Variants in TDRP observed in about 807,000 individuals in gnomAD.
The protein encoded by TDRP is testis development-related protein.
TDRP carries 12 observed loss-of-function variants against 10.5 expected under a neutral mutation model. The ratio of observed to expected loss-of-function variants is 1.15; its 90% confidence interval spans 0.73 to 1.86. TDRP has a LOEUF of 1.86. TDRP is among the 40% of genes most tolerant of loss of function. The pLI, the probability that TDRP is intolerant of heterozygous loss-of-function variation, is 0.00. For synonymous variants in TDRP, 139 were observed against 95.4 expected, an observed-to-expected ratio of 1.46 and a Z score of -2.67; for missense variants, 353 against 229.2, an observed-to-expected ratio of 1.54 and a Z score of -3.49.
At chr8:531,682 G>A (rs1189943985) in intron 1 of TDRP, among the ~76,000 whole-genome samples, 1 of 152,178 alleles carries the variant, frequency 6.6e-6, no homozygotes, top group Non-Finnish European at 1.5e-5. Context: ...TCAAACAAAT[G>A]TCTGAGTTAT....
intron 1 of TDRP, among the ~76,000 whole-genome samples, chr8:506,562 C>A (rs966558046): frequency 6.6e-6 from 1 of 152,234 alleles, no homozygotes; most frequent in Non-Finnish European, 1.5e-5. Flanking sequence ...GCACTGCAAA[C>A]AGTGGAGCCC....
At chr8:500,779 C>T (rs953966501) in intron 1 of TDRP, among the ~76,000 whole-genome samples, 1 of 152,308 alleles carries the variant, frequency 6.6e-6, no homozygotes, top group Non-Finnish European at 1.5e-5. Context: ...ACTCTGGGTC[C>T]TGACAACCAG....
At chr8:506,483 C>CT (rs1801468284) in intron 1 of TDRP, among the ~76,000 whole-genome samples, 1 of 152,150 alleles carries the variant, frequency 6.6e-6, no homozygotes, top group African/African-American at 2.4e-5. Flanking sequence ...CAGCTGAATG[C>CT]TACACAGAGG....
At position 492,615 on chromosome 8, in the gene TDRP, A is replaced by C. The variant is rs1185489801; in HGVS notation, c.342T>G (p.Leu114=). 1 of 1,613,878 alleles carries C rather than the reference A, an allele frequency of 6.2e-7. No individual in the cohort carries two copies. The highest frequency in any genetic ancestry group is 1.3e-5 in the African/African-American group (1 of 74,916). Residue 114 remains leucine, a synonymous_variant, in exon 3 of 3, where the codon CTT becomes CTG. Coordinates refer to ENST00000324079, the MANE Select transcript of TDRP (RefSeq NM_001384899.1). ...GGTCAGCCGATATGTCTTCAAGAGC[A>C]AGTTTTGGAGGCTCCCAACCTTCAA... ...DEIEGWEPPK[L]ALEDISADPE...
chr8:493,484 C>G (rs1026638549), intron 2 of TDRP, among the ~76,000 whole-genome samples: 1 of 152,236 alleles, frequency 6.6e-6, no homozygotes, highest in African/African-American at 2.4e-5. Context: ...CACAGAAGTG[C>G]AGAGAAGCAG....
Position 516,730 on chromosome 8 carries a change from C to T in TDRP, c.109-22133G>A, listed in dbSNP as rs142817364. On this transcript the variant is annotated intron_variant, in intron 1 of 2. Transcript: ENST00000324079. ...AACTAAACACTCTCACCATGCAAGC[C>T]GGCAATCACGGTTCTATTTATCCAA... 2.4e-4 allele frequency among the ~76,000 whole-genome samples: 37 copies of T among 152,232 alleles called. No individual in the cohort carries two copies. In the East Asian group the frequency reaches 5.0e-3, roughly 21 times the overall value.
chr8:504,208 T>C (rs1801390073), intron 1 of TDRP, among the ~76,000 whole-genome samples: 1 of 152,032 alleles, frequency 6.6e-6, no homozygotes, highest in Non-Finnish European at 1.5e-5. Context: ...CCTCCAGGAG[T>C]TGTTTTTCCT....
Position 504,789 on chromosome 8 carries a change from C to G in TDRP, c.109-10192G>C, listed in dbSNP as rs73672339. The stretch of plus-strand genomic sequence containing the variant: ...ACACACCAGAAACTGGCATTCAAAA[C>G]AGTCATCGAGACAAATGAACTTGTG... On this transcript the variant is annotated intron_variant, in intron 1 of 2. Transcript: ENST00000324079. Among the ~76,000 whole-genome samples, 1,150 of 152,322 alleles carry G rather than the reference C, an allele frequency of 7.5e-3. 13 individuals are homozygous for G. Among genetic ancestry groups the G allele is most frequent in the African/African-American group, 0.026 (1,072 of 41,588 alleles).
intron 1 of TDRP, among the ~76,000 whole-genome samples, chr8:504,198 C>T (rs1377331427): frequency 1.3e-5 from 2 of 152,182 alleles, no homozygotes; most frequent in African/African-American, 4.8e-5. Flanking sequence ...AGCTGTGTGA[C>T]CTCCAGGAGT....
chr8:525,637 G>A (rs149699530), intron 1 of TDRP, among the ~76,000 whole-genome samples: 11 of 151,988 alleles, frequency 7.2e-5, no homozygotes, highest in African/African-American at 2.7e-4. Context: ...TACAATAATG[G>A]GTTATATTAT....
intron 1 of TDRP, among the ~76,000 whole-genome samples, chr8:504,295 G>C (rs185985256): frequency 1.3e-5 from 2 of 152,204 alleles, no homozygotes; most frequent in Non-Finnish European, 2.9e-5. Flanking sequence ...TGCAGCACTG[G>C]GTCTTGTGTT....
chr8:537,392 G>C (rs1802375359), intron 1 of TDRP, among the ~76,000 whole-genome samples: 1 of 152,224 alleles, frequency 6.6e-6, no homozygotes, highest in Admixed American at 6.5e-5. Context: ...TCCAGAGCAA[G>C]GGATACCAGA....
chr8:491,935 A>T lies in TDRP; in HGVS notation c.*464T>A. 1.8e-6 allele frequency: 2 copies of T among 1,136,026 alleles called. No homozygotes were observed. Among genetic ancestry groups the T allele is most frequent in the Non-Finnish European group, 2.2e-6 (2 of 928,074 alleles). 70.4% of individuals were successfully genotyped at this position (1,136,026 alleles called of 1,614,324 possible). ...TTTGTCAAGTTAAACAAAATTTAAC[A>T]TAACTTTGGAAGATTCATCTTACCT... is the stretch of plus-strand genomic sequence containing the variant. On this transcript the variant is annotated 3_prime_UTR_variant, in exon 3 of 3. Coordinates refer to ENST00000324079, the MANE Select transcript of TDRP (RefSeq NM_001384899.1).
intron 1 of TDRP, among the ~76,000 whole-genome samples, chr8:503,732 A>G (rs1280972377): frequency 3.0e-5 from 4 of 133,716 alleles, no homozygotes; most frequent in Non-Finnish European, 6.4e-5. Flanking sequence ...GCTACACATC[A>G]GAACCCGTGC....
chr8:499,587 G>T (rs899896525), intron 1 of TDRP, among the ~76,000 whole-genome samples: 2 of 152,208 alleles, frequency 1.3e-5, no homozygotes, highest in Non-Finnish European at 2.9e-5. Flanking sequence ...ATTAGAAGAG[G>T]TTGGAGTCCT....
At chr8:513,837 G>C (rs944492550) in intron 1 of TDRP, among the ~76,000 whole-genome samples, 1 of 152,134 alleles carries the variant, frequency 6.6e-6, no homozygotes, top group African/African-American at 2.4e-5. Flanking sequence ...AATCAATTGC[G>C]TTCTTACACA....
At chr8:509,731 C>T (rs1801561191) in intron 1 of TDRP, among the ~76,000 whole-genome samples, 1 of 152,210 alleles carries the variant, frequency 6.6e-6, no homozygotes, top group African/African-American at 2.4e-5. Context: ...CATTTGGCTC[C>T]TTGCTACTTA....
Position 515,142 on chromosome 8 carries a change from G to C in TDRP, c.109-20545C>G, listed in dbSNP as rs1484812597. ...CCTGAAGTTCACCAAAGAGAAGACGGCACTGATGTATGTTCTGTGCACAGC... is the reference window on the plus strand; with the variant it reads ...CCTGAAGTTCACCAAAGAGAAGACGCCACTGATGTATGTTCTGTGCACAGC... On this transcript the variant is annotated intron_variant, in intron 1 of 2. Coordinates refer to ENST00000324079, the MANE Select transcript of TDRP (RefSeq NM_001384899.1). 2.0e-5 allele frequency among the ~76,000 whole-genome samples: 3 copies of C among 152,092 alleles called. No homozygotes were observed. In the South Asian group the frequency reaches 6.2e-4, roughly 32 times the overall value.
chr8:513,301 T>C (rs1801666526), intron 1 of TDRP, among the ~76,000 whole-genome samples: 1 of 151,770 alleles, frequency 6.6e-6, no homozygotes, highest in African/African-American at 2.4e-5. Context: ...CATTAAAAAA[T>C]GAAAAGAATT....
Sources: gnomAD v4.1 joint callset for allele counts (sites outside exome capture counted in the v4.1 genomes callset) on GRCh38, gnomAD v4.1.1 for gene constraint, MANE v1.5 for transcripts, NCBI Gene and HGNC (gene_info 2026-07-23, HGNC 2026-07-21) for gene names.